Variants in AVL9 observed in about 807,000 individuals in gnomAD.
AVL9 encodes AVL9 cell migration associated, also known as late secretory pathway protein AVL9 homolog.
A neutral mutation model predicts 79.2 loss-of-function variants in AVL9; 49 were observed. The observed-to-expected ratio is 0.62, with a 90% CI of 0.49 to 0.79. The LOEUF (loss-of-function observed/expected upper bound fraction) is 0.79, where lower values mean the gene tolerates loss of function less well. AVL9 is among the 30% of genes least tolerant of loss of function. The pLI is 0.00. For missense variants in AVL9, 682 were observed against 776.8 expected (o/e 0.88, Z 1.45); for synonymous variants, 299 against 280.6 (o/e 1.07, Z -0.65).
At chr7:32,528,785 C>T (rs541419916) in intron 1 of AVL9, among the ~76,000 whole-genome samples, 8 of 152,018 alleles carry the variant, frequency 5.3e-5, no homozygotes. Flanking sequence ...CTGAGGCGGG[C>T]AGATCACAAG....
chr7:32,563,023 G>GT (rs1790395001), intron 10 of AVL9, among the ~76,000 whole-genome samples: 1 of 152,056 alleles, frequency 6.6e-6, no homozygotes, highest in Non-Finnish European at 1.5e-5. Context: ...TCCATATATG[G>GT]TTTTTGTTGT....
chr7:32,544,173 A>G (rs1789357698), intron 2 of AVL9, among the ~76,000 whole-genome samples: 1 of 152,240 alleles, frequency 6.6e-6, no homozygotes, highest in South Asian at 2.1e-4. Context: ...TGTACTATCT[A>G]TCTGAAAGTC....
intron 10 of AVL9, among the ~76,000 whole-genome samples, chr7:32,560,657 T>G (rs1422570819): frequency 6.6e-6 from 1 of 152,214 alleles, no homozygotes. Context: ...TATTTTGACC[T>G]CCTCCTGTGA....
chr7:32,538,784 A>T (rs1376739602), intron 1 of AVL9: 1 of 152,258 alleles, frequency 6.6e-6, no homozygotes, highest in Non-Finnish European at 1.5e-5. Context: ...ATTTTGTCCA[A>T]GACCCCAAGA....
intron 11 of AVL9, among the ~76,000 whole-genome samples, chr7:32,571,014 G>A (rs1432954597): frequency 1.4e-5 from 2 of 147,940 alleles, no homozygotes; most frequent in Non-Finnish European, 3.0e-5. Flanking sequence ...TAGATCACCT[G>A]AGGTCAGGAG....
chr7:32,548,144 C>CTGTCTTTTTTTTTTTTTTTTT (rs1227025763), intron 3 of AVL9, among the ~76,000 whole-genome samples: 1 of 57,598 alleles, frequency 1.7e-5, no homozygotes, highest in African/African-American at 5.4e-5. Flanking sequence ...TTTGTCATCT[C>CTGTCTTTTTTTTTTTTTTTTT]TTTTTTCTTT....
At chr7:32,544,825 A>C in intron 3 of AVL9, 46 bp downstream of exon 3, 1 of 1,408,000 alleles carries the variant, frequency 7.1e-7, no homozygotes, top group African/African-American at 1.4e-5. Context: ...CCCTTCTTAG[A>C]TGTTGGACAC....
chr7:32,535,719 TG>T (rs2128130754), intron 1 of AVL9: 1 of 152,344 alleles, frequency 6.6e-6, no homozygotes, highest in East Asian at 1.9e-4. Flanking sequence ...CCCTACTGGA[TG>T]AGAATAAGTG....
At chr7:32,502,099 C>T (rs1024310304) in intron 1 of AVL9, among the ~76,000 whole-genome samples, 1 of 151,522 alleles carries the variant, frequency 6.6e-6, no homozygotes, top group Admixed American at 6.6e-5. Context: ...CACAGTGGCT[C>T]ATGTCTGTAA....
At chr7:32,498,638 C>T (rs1255833783) in intron 1 of AVL9, among the ~76,000 whole-genome samples, 5 of 147,182 alleles carry the variant, frequency 3.4e-5, no homozygotes, top group African/African-American at 1.0e-4. Flanking sequence ...ATTTGGGTAA[C>T]TTGTGGAAGT....
At chr7:32,502,063 T>TAA (rs34438459) in intron 1 of AVL9, among the ~76,000 whole-genome samples, 39,086 of 149,914 alleles carry the variant, frequency 0.26, 5,396 homozygotes, top group African/African-American at 0.35. Context: ...ACATTTATGA[T>TAA]AAAAAAAAAA....
At chr7:32,569,982 A>G (rs1223809977) in intron 10 of AVL9, 38 bp from the exon 11 acceptor site, 1 of 1,606,184 alleles carries the variant, frequency 6.2e-7, no homozygotes, top group South Asian at 1.1e-5. Flanking sequence ...GTAACCTTTT[A>G]CTTTTCTGAT....
rs1331301302 is a variant in AVL9 at position 32,580,859 on chromosome 7, C to T, written c.1800C>T (p.Ser600=). ...KKIGNVMVTT[S]RNVVQTGKAV... is the part of the protein sequence containing the mutation. ...TTGGAAACGTCATGGTCACAACTAG[C>T]CGGAATGTTGTACAAACAGGAAAAG... Residue 600 remains serine, a synonymous_variant, in exon 15 of 16, where the codon AGC becomes AGT. Coordinates refer to ENST00000318709, the MANE Select transcript of AVL9 (RefSeq NM_015060.3). The T allele has an allele frequency of 1.2e-6, 2 of 1,613,862 alleles. No homozygotes were observed. Among genetic ancestry groups the T allele is most frequent in the Non-Finnish European group, 1.7e-6 (2 of 1,179,902 alleles).
intron 1 of AVL9, among the ~76,000 whole-genome samples, chr7:32,526,819 G>A (rs1412287114): frequency 1.3e-5 from 2 of 152,124 alleles, no homozygotes; most frequent in African/African-American, 2.4e-5. Flanking sequence ...GGAACCCTCC[G>A]CAGAGCGAAA....
chr7:32,562,417 C>A (rs1324471678), intron 10 of AVL9: 1 of 154,052 alleles, frequency 6.5e-6, no homozygotes, highest in Non-Finnish European at 1.4e-5. Context: ...TATTAGTAAA[C>A]TTCATTTGAA....
intron 10 of AVL9, among the ~76,000 whole-genome samples, chr7:32,564,337 A>G (rs551816979): frequency 1.2e-4 from 18 of 152,346 alleles, no homozygotes; most frequent in Non-Finnish European, 8.8e-5. Flanking sequence ...GCCAATGCTG[A>G]CTTTTTCATG....
In AVL9 at chr7:32,587,079, T is replaced by C. The variant is rs1361001729; in HGVS notation, c.*3172T>C. ...TATACTTTGGCAGCAAACCAGAGCA[T>C]ATGATGTAACTTGCTCAACCTTATC... On this transcript the variant is annotated 3_prime_UTR_variant, in exon 16 of 16. Transcript: ENST00000318709. 6.6e-6 allele frequency: 1 copy of C among 152,210 alleles called. No homozygotes were observed. Among genetic ancestry groups the C allele is most frequent in the Admixed American group, 6.5e-5 (1 of 15,286 alleles). 9.4% of individuals were successfully genotyped at this position (152,210 alleles called of 1,614,324 possible).
chr7:32,545,803 A>G (rs945007031), intron 3 of AVL9, among the ~76,000 whole-genome samples: 1 of 152,132 alleles, frequency 6.6e-6, no homozygotes, highest in Non-Finnish European at 1.5e-5. Flanking sequence ...GATAATCTTG[A>G]TGAGTAAAAA....
intron 8 of AVL9, among the ~76,000 whole-genome samples, chr7:32,555,428 T>A (rs1287529969): frequency 6.6e-6 from 1 of 152,248 alleles, no homozygotes; most frequent in Non-Finnish European, 1.5e-5. Flanking sequence ...TGTGGCCAAA[T>A]ACATGTTTGC....
Sources: gnomAD v4.1 joint callset for allele counts (sites outside exome capture counted in the v4.1 genomes callset) on GRCh38, gnomAD v4.1.1 for gene constraint, MANE v1.5 for transcripts, NCBI Gene and HGNC (gene_info 2026-07-23, HGNC 2026-07-21) for gene names.